The following ABCA5 variants were observed in gnomAD, a reference collection of about 807,000 sequenced individuals.
The protein encoded by ABCA5 is cholesterol transporter ABCA5.
ABCA5 carries 163 observed loss-of-function variants against 206.0 expected under a neutral mutation model. That is an observed-to-expected ratio of 0.79 (90% CI 0.70 to 0.90). ABCA5 has a LOEUF of 0.90. ABCA5 is among the 40% of genes least tolerant of loss of function. The pLI is 0.00. For missense variants in ABCA5, 1,859 were observed against 1,912.9 expected (o/e 0.97, Z 0.53); for synonymous variants, 609 against 613.8 (o/e 0.99, Z 0.11).
rs559270464 is a variant in ABCA5 at position 69,268,143 on chromosome 17, A to G, written c.3031-87T>C. On this transcript the variant is annotated intron_variant, in intron 22 of 38. Coordinates refer to ENST00000392676, the MANE Select transcript of ABCA5 (RefSeq NM_172232.4). ...CTTAGGATATATCTTATATCAAAAA[A>G]AAATCAAAACCTCAGAAAGAATGTA... 7.0e-4 allele frequency: 436 copies of G among 621,886 alleles called. 5 individuals carry two copies. In the South Asian group the frequency reaches 9.8e-3, roughly 14 times the overall value. 38.5% of individuals were successfully genotyped at this position (621,886 alleles called of 1,614,324 possible).
chr17:69,277,624 G>C lies in ABCA5; in HGVS notation c.2594+17C>G. ...AAAAAGCAATCCATCAGGTATAAGG[G>C]TGATAATTATACTTACACTGATCTC... On this transcript the variant is annotated intron_variant, in intron 19 of 38. Transcript: ENST00000392676. 1 of 1,586,862 alleles carries C rather than the reference G, an allele frequency of 6.3e-7. No individual in the cohort carries two copies. The highest frequency in any genetic ancestry group is 8.6e-7 in the Non-Finnish European group (1 of 1,166,504).
Position 69,274,839 on chromosome 17 carries a change from C to CTTTTTTTTTTTTTT in ABCA5, c.2595-725_2595-712dup, listed in dbSNP as rs3052556. On this transcript the variant is annotated intron_variant, in intron 19 of 38. Transcript: ENST00000392676. ...GTCCTGTCTCTATCTTAACCATTTA[C>CTTTTTTTTTTTTTT]TTTTTTTTTTTTTTTTTTTTTTGAG... is the stretch of plus-strand genomic sequence containing the variant. 5.0e-4 allele frequency among the ~76,000 whole-genome samples: 43 copies of CTTTTTTTTTTTTTT among 85,748 alleles called. 3 individuals carry two copies. The highest frequency in any genetic ancestry group is 1.1e-3 in the East Asian group (3 of 2,820). 56.3% of individuals were successfully genotyped at this position (85,748 alleles called of 152,430 possible).
chr17:69,268,743 G>C (rs1373388719), intron 22 of ABCA5: 1 of 152,172 alleles, frequency 6.6e-6, no homozygotes, highest in Non-Finnish European at 1.5e-5. Context: ...AAGGTACTCT[G>C]CACTGGAATA....
In ABCA5 at chr17:69,283,952, C is replaced by T. The variant is rs1490090041; in HGVS notation, c.2392+1G>A. The T allele has an allele frequency of 6.2e-7, 1 of 1,605,370 alleles. No individual in the cohort carries two copies. The highest frequency in any genetic ancestry group is 8.5e-7 in the Non-Finnish European group (1 of 1,176,308). ...AAATGTTTTGTTAGTTCTGTTTTTACCTGCTTGGTCAATTTCTGCTTCAAC... is the reference window on the plus strand; with the variant it reads ...AAATGTTTTGTTAGTTCTGTTTTTATCTGCTTGGTCAATTTCTGCTTCAAC... On this transcript the variant is annotated splice_donor_variant, in intron 18 of 38. Coordinates refer to ENST00000392676, the MANE Select transcript of ABCA5 (RefSeq NM_172232.4). LOFTEE classifies it high-confidence loss of function.
intron 12 of ABCA5, 89 bp downstream of exon 12, chr17:69,291,127 G>C (rs780780551): frequency 1.4e-6 from 1 of 689,944 alleles, no homozygotes; most frequent in Middle Eastern, 4.1e-4. Context: ...TACAGATACA[G>C]AAGTTGGTCC....
intron 4 of ABCA5, among the ~76,000 whole-genome samples, 156 bp downstream of exon 4, chr17:69,309,106 T>C (rs536134487): frequency 6.6e-6 from 1 of 152,256 alleles, no homozygotes; most frequent in African/African-American, 2.4e-5. Flanking sequence ...TATTTATAAA[T>C]AAATATTTTT....
chr17:69,277,541 A>G lies in ABCA5; in HGVS notation c.2594+100T>C, dbSNP rs1165314173. 6.4e-6 allele frequency: 6 copies of G among 937,666 alleles called. No individual in the cohort carries two copies. The African/African-American group carries it at 8.7e-5, about 14-fold the overall frequency. The allele number at this position is 937,666 out of a possible 1,614,324, so 58.1% of individuals were successfully genotyped here. A position where few individuals can be genotyped will look rare whatever the true frequency, so the allele number is the denominator to read the frequency against. ...GTGGTAATCTTTCGAAACTATATAA[A>G]TTATTTACATATGTTAACATTTTAA... On this transcript the variant is annotated intron_variant, in intron 19 of 38. Coordinates refer to ENST00000392676, the MANE Select transcript of ABCA5 (RefSeq NM_172232.4).
intron 23 of ABCA5, among the ~76,000 whole-genome samples, chr17:69,267,413 A>C (rs1178258303): frequency 6.6e-6 from 1 of 152,198 alleles, no homozygotes; most frequent in Non-Finnish European, 1.5e-5. Flanking sequence ...AAGGCGTAAA[A>C]AGAAAGTGAA....
chr17:69,321,166 G>A (rs1419364430), intron 1 of ABCA5, among the ~76,000 whole-genome samples: 1 of 152,064 alleles, frequency 6.6e-6, no homozygotes, highest in Middle Eastern at 3.2e-3. Flanking sequence ...GGAAGAATGT[G>A]GGAAGGCAGT....
At chr17:69,280,456 C>G (rs2075379647) in intron 18 of ABCA5, among the ~76,000 whole-genome samples, 1 of 150,390 alleles carries the variant, frequency 6.6e-6, no homozygotes, top group South Asian at 2.1e-4. Flanking sequence ...CTAGTTCAAC[C>G]ATTGTGGAAG....
intron 34 of ABCA5, 143 bp from the exon 35 acceptor site, chr17:69,252,009 A>G: frequency 1.8e-6 from 1 of 557,524 alleles, no homozygotes; most frequent in Non-Finnish European, 2.8e-6. Flanking sequence ...CATCCTGCCC[A>G]ACTATGATTT....
chr17:69,278,171 C>A (rs1232996760), intron 18 of ABCA5, among the ~76,000 whole-genome samples: 1 of 151,964 alleles, frequency 6.6e-6, no homozygotes, highest in Non-Finnish European at 1.5e-5. Context: ...ACTACTGTAC[C>A]CATAACAACA....
intron 13 of ABCA5, 133 bp from the exon 14 acceptor site, chr17:69,289,429 A>G (rs1394651068): frequency 9.9e-6 from 7 of 705,850 alleles, no homozygotes; most frequent in Non-Finnish European, 1.2e-5. Flanking sequence ...AATAATTTTA[A>G]TATCAACTTT....
At chr17:69,312,537 G>A (rs2075780266) in intron 3 of ABCA5, among the ~76,000 whole-genome samples, 1 of 152,140 alleles carries the variant, frequency 6.6e-6, no homozygotes, top group Non-Finnish European at 1.5e-5. Flanking sequence ...AAAGGTGACT[G>A]CTTTACAGTC....
At chr17:69,258,854 T>A (rs989676540) in intron 28 of ABCA5, among the ~76,000 whole-genome samples, 5 of 152,068 alleles carry the variant, frequency 3.3e-5, no homozygotes, top group Non-Finnish European at 7.4e-5. Context: ...GCTGAAATGA[T>A]AATAAAGTGA....
At chr17:69,282,645 T>C (rs1209640779) in intron 18 of ABCA5, among the ~76,000 whole-genome samples, 1 of 122,200 alleles carries the variant, frequency 8.2e-6, no homozygotes, top group African/African-American at 3.0e-5. Flanking sequence ...GGTGGGCGCC[T>C]GTAATCCCAG....
chr17:69,261,403 C>A lies in ABCA5; in HGVS notation c.3430-144G>T, dbSNP rs563259990. The A allele has an allele frequency of 5.2e-5, 41 of 781,304 alleles. No homozygotes were observed. In the East Asian group the frequency reaches 1.0e-3, roughly 19 times the overall value. 48.4% of individuals were successfully genotyped at this position (781,304 alleles called of 1,614,324 possible). A position where few individuals can be genotyped will look rare whatever the true frequency, so the allele number is the denominator to read the frequency against. On this transcript the variant is annotated intron_variant, in intron 25 of 38. Coordinates refer to ENST00000392676, the MANE Select transcript of ABCA5 (RefSeq NM_172232.4). The stretch of plus-strand genomic sequence containing the variant: ...ATTTAGCCAGCAAGCAACAAGAATA[C>A]CACTTGTTTGTAGCTAGTATCCTTG...
chr17:69,302,619 T>C, intron 8 of ABCA5, 99 bp downstream of exon 8: 10 of 762,550 alleles, frequency 1.3e-5, no homozygotes, highest in Non-Finnish European at 1.8e-5. Context: ...TTTAAAATAA[T>C]TTTTTTGGTA....
intron 11 of ABCA5, among the ~76,000 whole-genome samples, chr17:69,293,878 GTGTGTGTT>G (rs377275749): frequency 0.092 from 11,031 of 119,696 alleles, 463 homozygotes; most frequent in East Asian, 0.26. Flanking sequence ...GTGTGCGTGT[GTGTGTGTT>G]TGTGTGTGTG....
Sources: gnomAD v4.1 joint callset for allele counts (sites outside exome capture counted in the v4.1 genomes callset) on GRCh38, gnomAD v4.1.1 for gene constraint, MANE v1.5 for transcripts, NCBI Gene and HGNC (gene_info 2026-07-23, HGNC 2026-07-21) for gene names.